SATB2: variants seen among roughly 807,000 people sequenced by gnomAD.
SATB2 encodes the protein SATB homeobox 2, also known as DNA-binding protein SATB2.
Under a neutral mutation model 73.4 loss-of-function variants are expected in SATB2, and 1 was observed. The observed-to-expected ratio is 0.01, with a 90% CI of 0.00 to 0.06. SATB2 has a LOEUF of 0.06. SATB2 is among the 10% of genes least tolerant of loss of function. The probability of loss-of-function intolerance (pLI) is 1.00; values close to 1 mark genes in which losing one functional copy is unlikely to be tolerated. For missense variants in SATB2, 459 were observed against 945.8 expected (o/e 0.49, Z 6.75); for synonymous variants, 397 against 367.0 (o/e 1.08, Z -0.93).
intron 2 of SATB2, among the ~76,000 whole-genome samples, chr2:199,437,525 G>C (rs897723252): frequency 1.3e-5 from 2 of 152,166 alleles, no homozygotes. Context: ...AGACATGTGG[G>C]AAAATGGTTA....
At position 199,308,754 on chromosome 2, in the gene SATB2, A is replaced by G. The variant is rs769409880; in HGVS notation, c.1740+6T>C. On this transcript the variant is annotated splice_donor_region_variant and intron_variant, in intron 10 of 10. Coordinates refer to ENST00000417098, the MANE Select transcript of SATB2 (RefSeq NM_001172509.2). The surrounding 1 kb of genome is among the most constrained non-coding windows in gnomAD (Gnocchi z 4.6). Reference sequence around the variant, plus strand: ...CAGGTGGGGTACGGCGGTCGGGGACACTGACCTGCACCGGCTCAGGGGGAA... The same window carrying G: ...CAGGTGGGGTACGGCGGTCGGGGACGCTGACCTGCACCGGCTCAGGGGGAA... The G allele has an allele frequency of 1.2e-6, 2 of 1,613,656 alleles. No individual in the cohort carries two copies. Among genetic ancestry groups the G allele is most frequent in the South Asian group, 1.1e-5 (1 of 91,062 alleles).
intron 5 of SATB2, among the ~76,000 whole-genome samples, chr2:199,377,379 AAAAC>A (rs1049050527): frequency 5.9e-5 from 9 of 152,274 alleles, no homozygotes; most frequent in South Asian, 4.1e-4. Context: ...TTCTGTCTTA[AAAAC>A]AAACAAACAA....
At chr2:199,337,977 TA>T (rs1688385258) in intron 7 of SATB2, among the ~76,000 whole-genome samples, 1 of 152,204 alleles carries the variant, frequency 6.6e-6, no homozygotes, top group Non-Finnish European at 1.5e-5. Flanking sequence ...TGCTTCCTTG[TA>T]TTTTTTTAAT....
intron 3 of SATB2, among the ~76,000 whole-genome samples, chr2:199,424,071 T>C (rs1335666475): frequency 1.3e-5 from 2 of 152,210 alleles, no homozygotes; most frequent in African/African-American, 4.8e-5. Context: ...CTGAGTGATA[T>C]TTCTTCAAAC....
chr2:199,457,988 T>C (rs918787006), upstream of SATB2: 2 of 153,394 alleles, frequency 1.3e-5, no homozygotes, highest in Admixed American at 1.3e-4. This position sits in a 1 kb window ranked among gnomAD's most constrained non-coding sequence, Gnocchi z 4.8. Flanking sequence ...TGATTATTAG[T>C]TGCGTTGAGT....
intron 3 of SATB2, among the ~76,000 whole-genome samples, chr2:199,407,847 T>A (rs2105899411): frequency 6.6e-6 from 1 of 152,230 alleles, no homozygotes; most frequent in Non-Finnish European, 1.5e-5. Context: ...AGAAGCGATA[T>A]CTGATGGTAA....
chr2:199,453,861 T>G lies in SATB2; in HGVS notation c.169+2008A>C, dbSNP rs79855547. ...ATTCCACTAAACAATTTTAACCAGT[T>G]TACTATCGTGTATTATAAACGATAT... On this transcript the variant is annotated intron_variant, in intron 2 of 10. Transcript: ENST00000417098. Among the ~76,000 whole-genome samples, 963 of 152,118 alleles carry G rather than the reference T, an allele frequency of 6.3e-3. 9 individuals are homozygous for G. Among genetic ancestry groups the G allele is most frequent in the African/African-American group, 0.022 (900 of 41,550 alleles).
chr2:199,404,268 A>T (rs1338806696), intron 3 of SATB2, among the ~76,000 whole-genome samples: 5 of 152,198 alleles, frequency 3.3e-5, no homozygotes, highest in African/African-American at 1.2e-4. Flanking sequence ...CCCGATGTGG[A>T]CCTACTCGCT....
At chr2:199,302,027 A>T (rs1256095252) in intron 10 of SATB2, among the ~76,000 whole-genome samples, 2 of 152,174 alleles carry the variant, frequency 1.3e-5, no homozygotes, top group Non-Finnish European at 2.9e-5. Context: ...ATTTCTTTTA[A>T]TACATCTCCA....
chr2:199,379,052 T>C (rs1689688218), intron 5 of SATB2, among the ~76,000 whole-genome samples: 1 of 152,196 alleles, frequency 6.6e-6, no homozygotes, highest in Non-Finnish European at 1.5e-5. Flanking sequence ...TCTTAAATCA[T>C]GTGTAGCAGC....
Position 199,455,961 on chromosome 2 carries a change from G to A in SATB2, c.77C>T (p.Pro26Leu). 2 of 1,538,838 alleles carry A rather than the reference G, an allele frequency of 1.3e-6. No homozygotes were observed. The highest frequency in any genetic ancestry group is 1.7e-6 in the Non-Finnish European group (2 of 1,147,586). ...CAGCCGGGCCACCTTCACTGGGGGA[G>A]GCCCCTTGACGTCCGGGCTGCCGCT... ...RRSGSPDVKG[P>L]PPVKVARLEQ... Residue 26 changes from proline (P) to leucine (L), a missense_variant, in exon 2 of 11, where the codon CCT becomes CTT. Around this residue, in one of 13 missense-constraint regions of SATB2, gnomAD observed 74 missense variants for 113.3 expected, o/e 0.65. Transcript: ENST00000417098. The surrounding 1 kb of genome is among the most constrained non-coding windows in gnomAD (Gnocchi z 4.1).
intron 10 of SATB2, among the ~76,000 whole-genome samples, chr2:199,273,043 C>G (rs959606637): frequency 2.0e-5 from 3 of 152,070 alleles, no homozygotes; most frequent in African/African-American, 7.2e-5. Flanking sequence ...AAAGTATGGA[C>G]TCTATCATCA....
chr2:199,410,262 T>A (rs1028353009), intron 3 of SATB2, among the ~76,000 whole-genome samples: 3 of 152,174 alleles, frequency 2.0e-5, no homozygotes, highest in Non-Finnish European at 4.4e-5. Flanking sequence ...GTCAGCCACA[T>A]CTAATCCTAG....
intron 7 of SATB2, chr2:199,347,625 A>C (rs2105821255): frequency 6.6e-6 from 1 of 152,116 alleles, no homozygotes; most frequent in South Asian, 2.1e-4. Flanking sequence ...CTGAAATTTT[A>C]ATCTACTGTT....
chr2:199,325,083 C>T (rs1687994537), intron 8 of SATB2, among the ~76,000 whole-genome samples: 5 of 152,034 alleles, frequency 3.3e-5, no homozygotes, highest in Admixed American at 2.6e-4. Context: ...AACTTAAGGC[C>T]CTACGTTTCC....
At chr2:199,313,177 A>T (rs1416678497) in intron 9 of SATB2, among the ~76,000 whole-genome samples, 1 of 152,170 alleles carries the variant, frequency 6.6e-6, no homozygotes, top group East Asian at 1.9e-4. Flanking sequence ...ACATTAGGGG[A>T]AGATAGGGGA....
At chr2:199,364,781 CA>C (rs1232137531) in intron 6 of SATB2, among the ~76,000 whole-genome samples, 2 of 152,086 alleles carry the variant, frequency 1.3e-5, no homozygotes, top group East Asian at 3.8e-4. Flanking sequence ...TACCAGATGA[CA>C]AACACTTTAG....
chr2:199,445,015 C>T (rs1292859221), intron 2 of SATB2, among the ~76,000 whole-genome samples: 1 of 152,156 alleles, frequency 6.6e-6, no homozygotes, highest in Non-Finnish European at 1.5e-5. Flanking sequence ...AACTGTCTCC[C>T]ACAAACTCAC....
chr2:199,373,882 C>CTACA (rs534392415), intron 5 of SATB2, among the ~76,000 whole-genome samples: 29 of 152,208 alleles, frequency 1.9e-4, no homozygotes, highest in Admixed American at 3.9e-4. Context: ...TGCATCCCCA[C>CTACA]TACATACATG....
Sources: gnomAD v4.1 joint callset for allele counts (sites outside exome capture counted in the v4.1 genomes callset) on GRCh38, gnomAD v4.1.1 for gene constraint, gnomAD v4.1.1 regional missense constraint, Gnocchi (gnomAD v3.1) non-coding constraint, MANE v1.5 for transcripts, NCBI Gene and HGNC (gene_info 2026-07-23, HGNC 2026-07-21) for gene names.